TRAPPC9: variants seen among roughly 807,000 people sequenced by gnomAD.
TRAPPC9 encodes IKK2 binding protein.
TRAPPC9 carries 83 observed loss-of-function variants against 124.0 expected under a neutral mutation model. The observed-to-expected ratio is 0.67, with a 90% CI of 0.56 to 0.80. The LOEUF (loss-of-function observed/expected upper bound fraction) is 0.80. TRAPPC9 is among the 30% of genes least tolerant of loss of function. The probability of loss-of-function intolerance (pLI) is 0.00; values close to 1 mark genes in which losing one functional copy is unlikely to be tolerated. For missense variants in TRAPPC9, 1,302 were observed against 1,508.3 expected, an observed-to-expected ratio of 0.86 and a Z score of 2.27; for synonymous variants, 638 against 617.5, an observed-to-expected ratio of 1.03 and a Z score of -0.49.
chr8:139,756,362 AG>A (rs1352905358), intron 21 of TRAPPC9, among the ~76,000 whole-genome samples: 3 of 71,244 alleles, frequency 4.2e-5, no homozygotes, highest in Non-Finnish European at 8.4e-5. Flanking sequence ...GTGGGGGTAG[AG>A]GGACAGCAGG....
intron 21 of TRAPPC9, among the ~76,000 whole-genome samples, chr8:139,877,786 G>T (rs1271202982): frequency 6.6e-6 from 1 of 152,160 alleles, no homozygotes; most frequent in Non-Finnish European, 1.5e-5. Context: ...GCTCCTGGGG[G>T]TTTCTTCAAA....
intron 18 of TRAPPC9, among the ~76,000 whole-genome samples, chr8:139,994,457 C>T (rs1837842444): frequency 6.6e-6 from 1 of 152,214 alleles, no homozygotes; most frequent in African/African-American, 2.4e-5. Flanking sequence ...CCCATAGCCA[C>T]CCAAACCTAC....
intron 17 of TRAPPC9, among the ~76,000 whole-genome samples, chr8:140,210,703 C>A (rs559704030): frequency 6.6e-6 from 1 of 152,338 alleles, no homozygotes; most frequent in South Asian, 2.1e-4. Context: ...AGGCCACAGT[C>A]CCAACTGCAC....
chr8:139,829,776 C>T (rs1825854633), intron 21 of TRAPPC9, among the ~76,000 whole-genome samples: 1 of 152,242 alleles, frequency 6.6e-6, no homozygotes, highest in African/African-American at 2.4e-5. Context: ...ACATCTGCTC[C>T]TTACTGTCTC....
At chr8:140,395,189 C>A (rs2069053432) in intron 7 of TRAPPC9, among the ~76,000 whole-genome samples, 1 of 152,160 alleles carries the variant, frequency 6.6e-6, no homozygotes, top group Admixed American at 6.6e-5. Flanking sequence ...GGTGCTGTTT[C>A]CCTCATACTA....
intron 21 of TRAPPC9, among the ~76,000 whole-genome samples, chr8:139,760,633 A>G (rs1820156543): frequency 6.6e-6 from 1 of 152,242 alleles, no homozygotes; most frequent in East Asian, 1.9e-4. Flanking sequence ...CGTATCTGAC[A>G]GGGCTCCTCG....
intron 21 of TRAPPC9, among the ~76,000 whole-genome samples, chr8:139,826,020 A>G (rs976463694): frequency 5.9e-5 from 9 of 152,124 alleles, no homozygotes; most frequent in Non-Finnish European, 1.0e-4. Context: ...TGGGGGTGAG[A>G]GCCCATTCTG....
At chr8:140,265,147 C>T (rs1406984694) in intron 15 of TRAPPC9, among the ~76,000 whole-genome samples, 7 of 151,198 alleles carry the variant, frequency 4.6e-5, no homozygotes, top group Non-Finnish European at 1.0e-4. Context: ...CGGCCTATTC[C>T]ACATACACAG....
At chr8:139,919,390 A>G (rs957835175) in intron 19 of TRAPPC9, among the ~76,000 whole-genome samples, 5 of 152,182 alleles carry the variant, frequency 3.3e-5, no homozygotes, top group African/African-American at 1.2e-4. Context: ...TGCTTTTGGG[A>G]GCAATTCAAA....
intron 7 of TRAPPC9, among the ~76,000 whole-genome samples, chr8:140,380,681 A>C (rs1011045051): frequency 3.5e-5 from 5 of 144,252 alleles, no homozygotes; most frequent in Non-Finnish European, 7.6e-5. Context: ...AAAAAAAAAG[A>C]ATAAATTGGA....
chr8:139,932,528 C>T (rs1208338378), intron 19 of TRAPPC9: 5 of 455,682 alleles, frequency 1.1e-5, no homozygotes, highest in African/African-American at 8.0e-5. Flanking sequence ...TTTGGAAGGC[C>T]GAGGCAGGTG....
chr8:139,751,867 T>C (rs1819331526), intron 21 of TRAPPC9, among the ~76,000 whole-genome samples: 1 of 150,492 alleles, frequency 6.6e-6, no homozygotes, highest in Admixed American at 6.6e-5. Flanking sequence ...ATCCATCCAC[T>C]CACCATCTAC....
At chr8:139,823,598 A>G (rs113738710) in intron 21 of TRAPPC9, among the ~76,000 whole-genome samples, 20,878 of 152,140 alleles carry the variant, frequency 0.14, 1,515 homozygotes, top group Admixed American at 0.2. Context: ...GTGCTCCAGG[A>G]GCTGCCATGC....
intron 17 of TRAPPC9, among the ~76,000 whole-genome samples, chr8:140,203,695 G>T (rs1306425740): frequency 6.6e-6 from 1 of 152,248 alleles, no homozygotes; most frequent in African/African-American, 2.4e-5. Context: ...CCAGCTGGAA[G>T]AGATCAAACG....
At chr8:140,359,938 G>A in intron 9 of TRAPPC9, 112 bp downstream of exon 9, 1 of 1,462,550 alleles carries the variant, frequency 6.8e-7, no homozygotes, top group Non-Finnish European at 9.5e-7. Context: ...GAAGAGCTGG[G>A]CAGCATCTTC....
At position 139,876,579 on chromosome 8, in the gene TRAPPC9, G is replaced by A. The variant is rs146981652; in HGVS notation, c.3055+9300C>T. Reference sequence around the variant, plus strand: ...CCCAGCCCTCATCTGACAGAGAGTGGCTCTAAGGCAGGGATTGAGTTTATT... The same window carrying A: ...CCCAGCCCTCATCTGACAGAGAGTGACTCTAAGGCAGGGATTGAGTTTATT... On this transcript the variant is annotated intron_variant, in intron 21 of 22. Transcript: ENST00000438773. Among the ~76,000 whole-genome samples the A allele has an allele frequency of 4.7e-4, 72 of 152,340 alleles. No individual in the cohort carries two copies. The East Asian group carries it at 0.013, about 26-fold the overall frequency.
chr8:140,431,441 G>A (rs1383570367), intron 4 of TRAPPC9, among the ~76,000 whole-genome samples: 3 of 150,938 alleles, frequency 2.0e-5, no homozygotes, highest in African/African-American at 4.9e-5. Context: ...GTGAGACTCT[G>A]TCTCAAAAAA....
chr8:139,897,104 T>A (rs894915580), intron 20 of TRAPPC9, among the ~76,000 whole-genome samples: 1 of 152,148 alleles, frequency 6.6e-6, no homozygotes, highest in Non-Finnish European at 1.5e-5. Flanking sequence ...CAGCTCATGT[T>A]CTCATATCTG....
chr8:139,847,083 T>C (rs1002767598), intron 21 of TRAPPC9, among the ~76,000 whole-genome samples: 2 of 152,212 alleles, frequency 1.3e-5, no homozygotes, highest in African/African-American at 4.8e-5. Context: ...ATGCAGCAAC[T>C]GTGGGTGCGC....
Sources: allele counts gnomAD v4.1 joint callset (sites outside exome capture counted in the v4.1 genomes callset), GRCh38; gene constraint gnomAD v4.1.1; transcripts MANE v1.5; gene names NCBI Gene and HGNC (gene_info 2026-07-23, HGNC 2026-07-21).